ANK3: variants seen among roughly 807,000 people sequenced by gnomAD.
ANK3 encodes the protein ankyrin-3.
Under a neutral mutation model 370.9 loss-of-function variants are expected in ANK3, and 57 were observed. That is an observed-to-expected ratio of 0.15 (90% CI 0.12 to 0.19). ANK3 has a LOEUF of 0.19. Among genes scored for constraint, ANK3 ranks in the 10% least tolerant of loss-of-function variants. The pLI is 1.00. For missense variants in ANK3, 4,439 were observed against 5,302.1 expected (o/e 0.84, Z 5.06); for synonymous variants, 1,929 against 1,946.3 (o/e 0.99, Z 0.23).
chr10:60,669,805 T>G (rs1206143925), intron 1 of ANK3, among the ~76,000 whole-genome samples: 1 of 152,072 alleles, frequency 6.6e-6, no homozygotes. Flanking sequence ...TTCTATAATC[T>G]CAGCCTAGTT....
At chr10:60,226,514 GTA>G (rs2097154561) in intron 8 of ANK3, among the ~76,000 whole-genome samples, 1 of 41,378 alleles carries the variant, frequency 2.4e-5, no homozygotes, top group Non-Finnish European at 4.0e-5. Flanking sequence ...TATATACATA[GTA>G]TATATACTAT....
chr10:60,321,612 C>T (rs1428632116), intron 1 of ANK3, among the ~76,000 whole-genome samples: 4 of 152,120 alleles, frequency 2.6e-5, no homozygotes, highest in South Asian at 4.1e-4. Context: ...ACAGTGTCCT[C>T]GTTAGATAGA....
rs529621923 is a variant in ANK3 at position 60,160,937 on chromosome 10, C to G, written c.2614+5654G>C. On this transcript the variant is annotated intron_variant, in intron 23 of 43. Transcript: ENST00000280772. ...AACAGGCCCACAGCTAGTATCATAC[C>G]CAATGGGGAAAAACTGAAAGCCTTT... Among the ~76,000 whole-genome samples the G allele has an allele frequency of 2.2e-4, 34 of 152,168 alleles. No homozygotes were observed. The South Asian group carries it at 7.1e-3, about 32-fold the overall frequency.
At chr10:60,376,099 A>G (rs2060736154) in intron 1 of ANK3, among the ~76,000 whole-genome samples, 1 of 152,192 alleles carries the variant, frequency 6.6e-6, no homozygotes, top group South Asian at 2.1e-4. Context: ...GAGAAGTAGT[A>G]GTAATTGTGT....
At chr10:60,189,637 G>T (rs2096432664) in intron 16 of ANK3, among the ~76,000 whole-genome samples, 1 of 152,112 alleles carries the variant, frequency 6.6e-6, no homozygotes, top group South Asian at 2.1e-4. Flanking sequence ...TTTCTACTTT[G>T]TGAAAAGTAA....
intron 9 of ANK3, among the ~76,000 whole-genome samples, chr10:60,210,246 T>G (rs540691866): frequency 6.6e-6 from 1 of 152,242 alleles, no homozygotes; most frequent in Non-Finnish European, 1.5e-5. Context: ...AACAAGCATA[T>G]AATTTCAAGA....
chr10:60,051,431 C>T (rs1206455999), intron 42 of ANK3: 2 of 893,498 alleles, frequency 2.2e-6, no homozygotes, highest in African/African-American at 3.6e-5. Flanking sequence ...GAAGGAGTTT[C>T]TAATAGTAGA....
At chr10:60,484,319 A>G (rs1044077004) in intron 2 of ANK3, among the ~76,000 whole-genome samples, 1 of 152,226 alleles carries the variant, frequency 6.6e-6, no homozygotes, top group Non-Finnish European at 1.5e-5. Flanking sequence ...GACAGGCACA[A>G]ATCTAGGGTA....
chr10:60,309,285 G>A (rs1220036821), intron 1 of ANK3, among the ~76,000 whole-genome samples: 2 of 152,186 alleles, frequency 1.3e-5, no homozygotes, highest in Non-Finnish European at 2.9e-5. Flanking sequence ...GAAACACAAT[G>A]ATGAGATATT....
intron 1 of ANK3, among the ~76,000 whole-genome samples, chr10:60,338,009 GCTGTTGTGAA>G (rs1325258168): frequency 2.6e-5 from 4 of 152,202 alleles, no homozygotes; most frequent in Admixed American, 2.6e-4. Flanking sequence ...TGCTTGAATT[GCTGTTGTGAA>G]CTATGAGGAA....
intron 8 of ANK3, among the ~76,000 whole-genome samples, chr10:60,216,915 A>G (rs923343743): frequency 1.3e-5 from 2 of 152,058 alleles, no homozygotes; most frequent in African/African-American, 2.4e-5. Flanking sequence ...TTTGGTTGGT[A>G]GGCTATTAAT....
At chr10:60,157,948 G>T (rs2095395296) in intron 23 of ANK3, among the ~76,000 whole-genome samples, 1 of 150,282 alleles carries the variant, frequency 6.7e-6, no homozygotes, top group African/African-American at 2.4e-5. Flanking sequence ...AGGAGGGAGG[G>T]AGATCAGGGT....
rs1400517214 is a variant in ANK3 at position 60,073,353 on chromosome 10, G to C, written c.7528C>G (p.Pro2510Ala). Reference sequence around the variant, plus strand: ...ATTTTGGAGAGAATTTCTTTTTTGGGGGCAGTGGCTATTTTTTCTCTGGAC... The same window carrying C: ...ATTTTGGAGAGAATTTCTTTTTTGGCGGCAGTGGCTATTTTTTCTCTGGAC... ...KRSREKIATA[P>A]KKEILSKIYK... Residue 2510 changes from proline (P) to alanine (A), a missense_variant, in exon 37 of 44, where the codon CCC becomes GCC. Around this residue, in one of 13 missense-constraint regions of ANK3, gnomAD observed 1,601 missense variants for 1,731.7 expected, o/e 0.92. Transcript: ENST00000280772. The C allele has an allele frequency of 6.2e-7, 1 of 1,613,650 alleles. No homozygotes were observed. The highest frequency in any genetic ancestry group is 2.2e-5 in the East Asian group (1 of 44,856).
chr10:60,513,190 G>GAAATACATCTAAAATAGAAATGGATA (rs2076132305), intron 2 of ANK3, among the ~76,000 whole-genome samples: 1 of 152,094 alleles, frequency 6.6e-6, no homozygotes, highest in Admixed American at 6.6e-5. Flanking sequence ...ATCTAAAATA[G>GAAATACATCTAAAATAGAAATGGATA]TGATTGATCC....
intron 2 of ANK3, among the ~76,000 whole-genome samples, chr10:60,429,746 T>G (rs1367651167): frequency 6.6e-6 from 1 of 152,226 alleles, no homozygotes; most frequent in Admixed American, 6.5e-5. Flanking sequence ...CCTACTTTCA[T>G]CACACGAGTG....
At chr10:60,434,414 C>T (rs937406041) in intron 2 of ANK3, among the ~76,000 whole-genome samples, 1 of 152,110 alleles carries the variant, frequency 6.6e-6, no homozygotes. Context: ...CATGAAGTCA[C>T]TATTTAAAGA....
At chr10:60,493,895 T>G (rs540048777) in intron 2 of ANK3, among the ~76,000 whole-genome samples, 2 of 152,276 alleles carry the variant, frequency 1.3e-5, no homozygotes, top group South Asian at 4.1e-4. Flanking sequence ...AGAAAGAGGA[T>G]AGTGGACACT....
At chr10:60,144,907 G>A (rs1386355082) in intron 23 of ANK3, among the ~76,000 whole-genome samples, 3 of 151,990 alleles carry the variant, frequency 2.0e-5, no homozygotes, top group Non-Finnish European at 4.4e-5. Flanking sequence ...AATAGTTATT[G>A]GCCTAATATT....
Position 60,166,669 on chromosome 10 carries a change from GAAC to G in ANK3, c.2552-19_2552-17del. 2.5e-6 allele frequency: 4 copies of G among 1,612,396 alleles called. No individual in the cohort carries two copies. Among genetic ancestry groups the G allele is most frequent in the Non-Finnish European group, 3.4e-6 (4 of 1,178,618 alleles). ...GCTTTACGAACTGCATGATTGAAGT[GAAC>G]AATATAAGTGGATGAAAAATACATA... On this transcript the variant is annotated splice_polypyrimidine_tract_variant and intron_variant, in intron 22 of 43. Transcript: ENST00000280772.
Sources: allele counts gnomAD v4.1 joint callset (sites outside exome capture counted in the v4.1 genomes callset), GRCh38; gene constraint gnomAD v4.1.1; regional missense constraint gnomAD v4.1.1; transcripts MANE v1.5; gene names NCBI Gene and HGNC (gene_info 2026-07-23, HGNC 2026-07-21).